SPATA13: variants seen among roughly 807,000 people sequenced by gnomAD.
SPATA13 encodes spermatogenesis associated 13.
Under a neutral mutation model 104.0 loss-of-function variants are expected in SPATA13, and 50 were observed. The ratio of observed to expected loss-of-function variants is 0.48; its 90% CI spans 0.38 to 0.61. SPATA13 has a LOEUF of 0.61. Among genes scored for constraint, SPATA13 ranks in the 20% least tolerant of loss-of-function variants. The probability of loss-of-function intolerance (pLI) is 0.00; values close to 1 mark genes in which losing one functional copy is unlikely to be tolerated. For missense variants in SPATA13, 1,524 were observed against 1,690.6 expected (o/e 0.90, Z 1.73); for synonymous variants, 606 against 667.5 (o/e 0.91, Z 1.42).
In SPATA13 at chr13:24,223,395, GC is replaced by G; in HGVS notation, c.469del (p.Gln157ArgfsTer8). The G allele has an allele frequency of 6.4e-7, 1 of 1,551,308 alleles. No homozygotes were observed. Among genetic ancestry groups the G allele is most frequent in the Non-Finnish European group, 8.7e-7 (1 of 1,146,988 alleles). On this transcript the variant is annotated frameshift_variant, in exon 2 of 13. Coordinates refer to ENST00000382108, the MANE Select transcript of SPATA13 (RefSeq NM_001166271.3). LOFTEE classifies it high-confidence loss of function. ...CATCCCAAATGGCGCTGTCCCAGGA[GC>G]CCAGGCAAGCAGGGGCTCCCCCTTA... ...KSIPNGAVPG[A>X]QASRGSPLAP...
At chr13:24,058,526 C>G (rs1047044800) in intron 3 of SPATA13, among the ~76,000 whole-genome samples, 60 of 151,768 alleles carry the variant, frequency 4.0e-4, no homozygotes, top group African/African-American at 1.3e-3. Flanking sequence ...TGTCATAGGG[C>G]TACACATTAC....
At chr13:24,085,912 AG>A (rs1879703065) in intron 3 of SPATA13, among the ~76,000 whole-genome samples, 1 of 152,264 alleles carries the variant, frequency 6.6e-6, no homozygotes, top group Non-Finnish European at 1.5e-5. Flanking sequence ...CAAACACTAC[AG>A]GTTCTTTAGA....
intron 3 of SPATA13, among the ~76,000 whole-genome samples, chr13:24,041,425 T>G (rs1877924490): frequency 6.6e-6 from 1 of 152,190 alleles, no homozygotes; most frequent in South Asian, 2.1e-4. Context: ...ATTAAATGAC[T>G]CAGAATCAGA....
Position 24,290,860 on chromosome 13 carries a change from T to C in SPATA13, c.3056T>C (p.Leu1019Pro). 3 of 1,614,018 alleles carry C rather than the reference T, an allele frequency of 1.9e-6. No individual in the cohort carries two copies. The highest frequency in any genetic ancestry group is 2.2e-5 in the East Asian group (1 of 44,872). ...CKYPLQLAEL[L>P]KYTTQEHGDY... ...TACCCGCTGCAGCTGGCCGAGCTGC[T>C]CAAGTATACCACACAGGAACACGGG... The change falls in exon 9 of 13, where the codon CTC (leucine) becomes CCC (proline). Residue 1019 changes from leucine to proline, a missense_variant. Physicochemically the swap from Leu to Pro is moderately conservative, Grantham distance 98 (BLOSUM62 -3). Coordinates refer to ENST00000382108, the MANE Select transcript of SPATA13 (RefSeq NM_001166271.3).
At chr13:24,208,591 C>T (rs2861545) in intron 1 of SPATA13, among the ~76,000 whole-genome samples, 102,238 of 151,484 alleles carry the variant, frequency 0.67, 34,768 homozygotes, top group South Asian at 0.83. Flanking sequence ...ACTTTCCAGA[C>T]TGATCTTTAG....
chr13:24,058,264 G>A lies in SPATA13; in HGVS notation c.-112+40563G>A, dbSNP rs919892675. 9.9e-5 allele frequency among the ~76,000 whole-genome samples: 15 copies of A among 151,978 alleles called. No homozygotes were observed. The East Asian group carries it at 2.9e-3, about 29-fold the overall frequency. On this transcript the variant is annotated intron_variant, in intron 3 of 14. Transcript: ENST00000424834. ...TGTTGAAAACTCTCTACGTGATATT[G>A]TTATCTGGGTATCAGATTAGATTAA...
chr13:24,077,865 G>T (rs990919453), intron 3 of SPATA13, among the ~76,000 whole-genome samples: 1 of 152,078 alleles, frequency 6.6e-6, no homozygotes, highest in Non-Finnish European at 1.5e-5. Flanking sequence ...GTGAGAACTG[G>T]TCTGCTCTGG....
At chr13:24,056,788 G>T (rs771868173) in intron 3 of SPATA13, among the ~76,000 whole-genome samples, 1 of 152,126 alleles carries the variant, frequency 6.6e-6, no homozygotes, top group Non-Finnish European at 1.5e-5. Flanking sequence ...TGCTGTGCGT[G>T]TCTGATAAGA....
In SPATA13 at chr13:24,052,836, T is replaced by TCCCCCCCCCCCCCCCCCCCC. The variant is rs1878392957; in HGVS notation, c.-112+35139_-112+35140insCCCCCCCCCCCCCCCCCCCC. 2.2e-4 allele frequency among the ~76,000 whole-genome samples: 3 copies of TCCCCCCCCCCCCCCCCCCCC among 13,628 alleles called. 1 individual carries two copies. The highest frequency in any genetic ancestry group is 3.5e-4 in the Non-Finnish European group (3 of 8,600). 8.9% of individuals were successfully genotyped at this position (13,628 alleles called of 152,430 possible). On this transcript the variant is annotated intron_variant, in intron 3 of 14. Coordinates refer to the SPATA13 transcript ENST00000424834. ...ACTTCCCCCTGCCGCCAGGGGATCC[T>TCCCCCCCCCCCCCCCCCCCC]CCCCGCCACTGTGCCCTGCCCACCA... is the stretch of plus-strand genomic sequence containing the variant.
chr13:24,092,633 T>C (rs1879944922), intron 3 of SPATA13, among the ~76,000 whole-genome samples: 1 of 152,228 alleles, frequency 6.6e-6, no homozygotes, highest in Non-Finnish European at 1.5e-5. Flanking sequence ...GTAGAAACTC[T>C]ATACAAGAGA....
rs7983192 is a variant in SPATA13, at chr13:24,098,798, G to A, written c.-112+81097G>A. Among the ~76,000 whole-genome samples the A allele has an allele frequency of 6.2e-3, 936 of 151,114 alleles. 6 individuals are homozygous for A. Among genetic ancestry groups the A allele is most frequent in the African/African-American group, 0.021 (869 of 41,136 alleles). On this transcript the variant is annotated intron_variant, in intron 3 of 14. Transcript: ENST00000424834. ...AAAAATTAGCTGGGCATTTTGGTGC[G>A]TGCATGTAGTCCTAGCTACTTGGGA...
intron 3 of SPATA13, among the ~76,000 whole-genome samples, chr13:24,082,479 A>G (rs1009485026): frequency 6.6e-6 from 1 of 152,204 alleles, no homozygotes; most frequent in East Asian, 1.9e-4. Context: ...ACAGTGGGAT[A>G]CACAGGAAGC....
intron 2 of SPATA13, among the ~76,000 whole-genome samples, chr13:24,005,861 A>G (rs184836208): frequency 1.8e-4 from 28 of 152,316 alleles, no homozygotes; most frequent in African/African-American, 6.3e-4. Flanking sequence ...AGCATAGCTG[A>G]CATTTTTTTC....
At chr13:24,144,343 T>C (rs867111749) in intron 3 of SPATA13, among the ~76,000 whole-genome samples, 2 of 152,096 alleles carry the variant, frequency 1.3e-5, no homozygotes, top group South Asian at 4.1e-4. Flanking sequence ...CACATCAAGA[T>C]GGATAATGAA....
intron 2 of SPATA13, among the ~76,000 whole-genome samples, chr13:24,239,644 G>A (rs541475837): frequency 1.6e-5 from 2 of 127,256 alleles, no homozygotes; most frequent in South Asian, 5.2e-4. Flanking sequence ...GCAGTGAGCC[G>A]AGATTTCGTC....
In SPATA13 at chr13:24,183,741, A is replaced by G. The variant is rs184731609; in HGVS notation, c.-112+22809A>G. On this transcript the variant is annotated intron_variant, in intron 1 of 12. Transcript: ENST00000382108. ...ACACCCCTGCTTTATAATGTTCTCTATGGGCTAATGGTGGCCGTACCTGTC... is the reference window on the plus strand; with the variant it reads ...ACACCCCTGCTTTATAATGTTCTCTGTGGGCTAATGGTGGCCGTACCTGTC... Among the ~76,000 whole-genome samples, 272 of 151,764 alleles carry G rather than the reference A, an allele frequency of 1.8e-3. 6 individuals are homozygous for G. In the South Asian group the frequency reaches 0.036, roughly 20 times the overall value.
At chr13:24,275,221 G>A (rs960811272) in intron 4 of SPATA13, among the ~76,000 whole-genome samples, 8 of 152,192 alleles carry the variant, frequency 5.3e-5, no homozygotes, top group Admixed American at 5.2e-4. Flanking sequence ...GCAGCCAGGA[G>A]GAAAGCAGAG....
At chr13:24,065,814 A>G (rs1054045091) in intron 3 of SPATA13, among the ~76,000 whole-genome samples, 1 of 152,212 alleles carries the variant, frequency 6.6e-6, no homozygotes, top group African/African-American at 2.4e-5. Flanking sequence ...GTCATTCTCA[A>G]CTAAGTTTTT....
At chr13:23,997,528 A>G (rs557559881) in intron 2 of SPATA13, among the ~76,000 whole-genome samples, 1 of 136,448 alleles carries the variant, frequency 7.3e-6, no homozygotes, top group Non-Finnish European at 1.6e-5. Flanking sequence ...TTCATTGCTT[A>G]GTAGTTATAT....
Sources: gnomAD v4.1 joint callset for allele counts (sites outside exome capture counted in the v4.1 genomes callset) on GRCh38, gnomAD v4.1.1 for gene constraint, MANE v1.5 for transcripts, NCBI Gene and HGNC (gene_info 2026-07-23, HGNC 2026-07-21) for gene names.